PRKN: variants seen among roughly 807,000 people sequenced by gnomAD.
The protein encoded by PRKN is E3 ubiquitin-protein ligase parkin.
Under a neutral mutation model 59.5 loss-of-function variants are expected in PRKN, and 56 were observed. The observed-to-expected ratio is 0.94, with a 90% confidence interval of 0.76 to 1.18. The LOEUF is 1.18. Among genes scored for constraint, PRKN ranks in the 50% most tolerant of loss-of-function variants. The probability of loss-of-function intolerance (pLI) is 0.00; values close to 1 mark genes in which losing one functional copy is unlikely to be tolerated. For synonymous variants in PRKN, 250 were observed against 222.1 expected, an observed-to-expected ratio of 1.13 and a Z score of -1.12; for missense variants, 657 against 596.4, an observed-to-expected ratio of 1.10 and a Z score of -1.06.
chr6:161,749,988 G>A lies in PRKN; in HGVS notation c.871+35784C>T, dbSNP rs11751111. Among the ~76,000 whole-genome samples, 5 of 151,640 alleles carry A rather than the reference G, an allele frequency of 3.3e-5. No homozygotes were observed. The East Asian group carries it at 5.8e-4, about 18-fold the overall frequency. On this transcript the variant is annotated intron_variant, in intron 7 of 11. Coordinates refer to ENST00000366898, the MANE Select transcript of PRKN (RefSeq NM_004562.3). ...TTATAGTCCTCTGTGTTTGCATTGC[G>A]TTTGTTATGAGAACTAACTCCTTTA... is the stretch of plus-strand genomic sequence containing the variant.
At chr6:161,422,531 CT>C (rs532848053) in intron 9 of PRKN, among the ~76,000 whole-genome samples, 155 of 152,248 alleles carry the variant, frequency 1.0e-3, no homozygotes, top group African/African-American at 3.6e-3. Context: ...AGAAAATTAA[CT>C]TTACACCTAT....
intron 4 of PRKN, among the ~76,000 whole-genome samples, chr6:162,193,280 T>G (rs1241408934): frequency 4.6e-5 from 7 of 152,216 alleles, no homozygotes; most frequent in Non-Finnish European, 8.8e-5. Flanking sequence ...CGCATTTCTG[T>G]GATACAGAAG....
rs1785364208 is a variant in PRKN, at chr6:161,369,736, G to A, written c.1168-9531C>T. On this transcript the variant is annotated intron_variant, in intron 10 of 11. Coordinates refer to ENST00000366898, the MANE Select transcript of PRKN (RefSeq NM_004562.3). The surrounding 1 kb of genome is among the most constrained non-coding windows in gnomAD (Gnocchi z 5.8). ...CTAATATACTTCATGGCTGAAAATAGCGATTTCATAAATATATATATGAAA... is the reference window on the plus strand; with the variant it reads ...CTAATATACTTCATGGCTGAAAATAACGATTTCATAAATATATATATGAAA... Among the ~76,000 whole-genome samples, 1 of 151,946 alleles carries A rather than the reference G, an allele frequency of 6.6e-6. No individual in the cohort carries two copies. The highest frequency in any genetic ancestry group is 2.1e-4 in the South Asian group (1 of 4,820).
At chr6:161,687,676 C>T (rs1187789553) in intron 7 of PRKN, among the ~76,000 whole-genome samples, 2 of 151,654 alleles carry the variant, frequency 1.3e-5, no homozygotes, top group African/African-American at 4.8e-5. Context: ...AGGCTGGTCT[C>T]GAACTGCTAG....
intron 2 of PRKN, among the ~76,000 whole-genome samples, chr6:162,328,338 C>T (rs1244995709): frequency 6.6e-6 from 1 of 152,118 alleles, no homozygotes; most frequent in Non-Finnish European, 1.5e-5. Flanking sequence ...TGCACTGCAG[C>T]CTGGCAACAG....
intron 7 of PRKN, among the ~76,000 whole-genome samples, chr6:161,763,358 G>A (rs1036261799): frequency 6.6e-6 from 1 of 151,938 alleles, no homozygotes; most frequent in African/African-American, 2.4e-5. Context: ...TTGCCCCCGA[G>A]ACCCACCCCT....
In PRKN at chr6:162,365,860, A is replaced by C. The variant is rs548624356; in HGVS notation, c.171+77450T>G. ...TAAGATTTTTCTCTGGTATGCTCTA[A>C]TGTGTCCTTTATTAGAACAATGTCT... On this transcript the variant is annotated intron_variant, in intron 2 of 11. Coordinates refer to ENST00000366898, the MANE Select transcript of PRKN (RefSeq NM_004562.3). Among the ~76,000 whole-genome samples the C allele has an allele frequency of 2.5e-4, 38 of 152,276 alleles. 1 individual carries two copies. Among genetic ancestry groups the C allele is most frequent in the Non-Finnish European group, 5.9e-5 (4 of 68,024 alleles).
At chr6:162,149,494 C>T (rs1426919898) in intron 4 of PRKN, among the ~76,000 whole-genome samples, 7 of 152,100 alleles carry the variant, frequency 4.6e-5, no homozygotes. Flanking sequence ...TCCGCCTCTT[C>T]CAGCCTCCCA....
At chr6:161,638,074 G>T (rs1783594653) in intron 7 of PRKN, among the ~76,000 whole-genome samples, 1 of 151,860 alleles carries the variant, frequency 6.6e-6, no homozygotes, top group Non-Finnish European at 1.5e-5. Flanking sequence ...CACCATCACA[G>T]ATAATAATTA....
chr6:162,331,474 T>G (rs1375494283), intron 2 of PRKN, among the ~76,000 whole-genome samples: 1 of 152,204 alleles, frequency 6.6e-6, no homozygotes, highest in Non-Finnish European at 1.5e-5. Context: ...TGTAGCTCAT[T>G]CCTTTCTTCT....
intron 3 of PRKN, among the ~76,000 whole-genome samples, chr6:162,206,894 A>G (rs1436276799): frequency 6.6e-6 from 1 of 152,228 alleles, no homozygotes; most frequent in Non-Finnish European, 1.5e-5. Flanking sequence ...TCTGATGTCC[A>G]GCAAGCGCTT....
chr6:162,258,031 G>A (rs1237073625), intron 3 of PRKN, among the ~76,000 whole-genome samples: 2 of 152,148 alleles, frequency 1.3e-5, no homozygotes, highest in Non-Finnish European at 2.9e-5. Context: ...CTGGGCGGGG[G>A]CCTGCCTGGG....
rs1461231120 is a variant in PRKN, at chr6:161,447,626, T to C, written c.1084-60749A>G. 2.0e-5 allele frequency among the ~76,000 whole-genome samples: 3 copies of C among 152,120 alleles called. No individual in the cohort carries two copies. The highest frequency in any genetic ancestry group is 4.8e-5 in the African/African-American group (2 of 41,424). ...CTCCTGCCTCAGCCTCCCGAGTAGCTGGGACTACAGGCATGCACCACCATG... is the reference window on the plus strand; with the variant it reads ...CTCCTGCCTCAGCCTCCCGAGTAGCCGGGACTACAGGCATGCACCACCATG... On this transcript the variant is annotated intron_variant, in intron 9 of 11. Transcript: ENST00000366898. This position sits in a 1 kb window ranked among gnomAD's most constrained non-coding sequence, Gnocchi z 4.1.
At chr6:162,710,152 A>G (rs952879789) in intron 1 of PRKN, among the ~76,000 whole-genome samples, 9 of 151,924 alleles carry the variant, frequency 5.9e-5, no homozygotes. Context: ...CTTTGTGCGG[A>G]CCATCAACTT....
chr6:162,038,249 A>C (rs1454739122), intron 5 of PRKN, among the ~76,000 whole-genome samples: 2 of 152,178 alleles, frequency 1.3e-5, no homozygotes, highest in East Asian at 3.8e-4. Context: ...ATTTGAATAC[A>C]TGTTATTTGT....
intron 2 of PRKN, among the ~76,000 whole-genome samples, chr6:162,380,587 C>G (rs145823789): frequency 9.8e-4 from 147 of 149,706 alleles, no homozygotes; most frequent in Middle Eastern, 3.5e-3. Flanking sequence ...TTGCTTTGCA[C>G]AAAGACACAG....
intron 5 of PRKN, among the ~76,000 whole-genome samples, chr6:162,010,843 A>G (rs1345882031): frequency 9.0e-5 from 1 of 11,152 alleles, no homozygotes; most frequent in Non-Finnish European, 1.2e-4. Context: ...ATTATATAAT[A>G]CATAATATTA....
At position 162,701,190 on chromosome 6, in the gene PRKN, A is replaced by G. The variant is rs145586253; in HGVS notation, c.7+26472T>C. Among the ~76,000 whole-genome samples the G allele has an allele frequency of 4.9e-3, 743 of 152,296 alleles. 5 individuals carry two copies. The highest frequency in any genetic ancestry group is 0.017 in the African/African-American group (709 of 41,568). On this transcript the variant is annotated intron_variant, in intron 1 of 11. Transcript: ENST00000366898. ...GATTTTTGTCTACTGCCAACTGCTA[A>G]GAAAACCAAAATTCAATGTGATTAT...
rs578158065 is a variant in PRKN at position 161,850,415 on chromosome 6, T to C, written c.735-64507A>G. Among the ~76,000 whole-genome samples, 6 of 151,950 alleles carry C rather than the reference T, an allele frequency of 3.9e-5. No homozygotes were observed. The East Asian group carries it at 9.8e-4, about 25-fold the overall frequency. Reference sequence around the variant, plus strand: ...CAACATGGTGAAACCTCATCTCTACTAAAAATACAAAAATTAGCTGGGTGT... The same window carrying C: ...CAACATGGTGAAACCTCATCTCTACCAAAAATACAAAAATTAGCTGGGTGT... On this transcript the variant is annotated intron_variant, in intron 6 of 11. Transcript: ENST00000366898.
Sources: allele counts gnomAD v4.1 joint callset (sites outside exome capture counted in the v4.1 genomes callset), GRCh38; gene constraint gnomAD v4.1.1; non-coding constraint Gnocchi (gnomAD v3.1); transcripts MANE v1.5; gene names NCBI Gene and HGNC (gene_info 2026-07-23, HGNC 2026-07-21).